PAWR: variants seen among roughly 807,000 people sequenced by gnomAD.
PAWR encodes the protein PRKC apoptosis WT1 regulator protein.
A neutral mutation model predicts 32.0 loss-of-function variants in PAWR; 23 were observed. The ratio of observed to expected loss-of-function variants is 0.72; its 90% confidence interval spans 0.52 to 1.02. The LOEUF is 1.02. Among genes scored for constraint, PAWR ranks in the 50% least tolerant of loss-of-function variants. The pLI is 0.00. For missense variants in PAWR, 457 were observed against 437.7 expected, an observed-to-expected ratio of 1.04 and a Z score of -0.39; for synonymous variants, 226 against 187.1, an observed-to-expected ratio of 1.21 and a Z score of -1.70.
At chr12:79,627,985 C>A (rs1275101535) in intron 2 of PAWR, among the ~76,000 whole-genome samples, 1 of 152,170 alleles carries the variant, frequency 6.6e-6, no homozygotes, top group Admixed American at 6.5e-5. Flanking sequence ...ACTCTCCACC[C>A]CAAATCAACA....
chr12:79,594,427 C>T lies in PAWR; in HGVS notation c.838G>A (p.Val280Ile). The change falls in exon 6 of 7, where the codon GTA (valine) becomes ATA (isoleucine). Residue 280 changes from valine (V) to isoleucine (I), a missense_variant. Val to Ile is a conservative substitution (Grantham distance 29). Coordinates refer to ENST00000328827, the MANE Select transcript of PAWR (RefSeq NM_002583.4). ...KKIEDLEKEV[V>I]RERQENLRLV... is the part of the protein sequence containing the mutation. Reference sequence around the variant, plus strand: ...CTTAGGTTTTCTTGTCTTTCTCTTACTACTTCCTGGTAGATACAATTAAAA... The same window carrying T: ...CTTAGGTTTTCTTGTCTTTCTCTTATTACTTCCTGGTAGATACAATTAAAA... 2.7e-6 allele frequency: 4 copies of T among 1,457,292 alleles called. No individual in the cohort carries two copies. The highest frequency in any genetic ancestry group is 3.8e-6 in the Non-Finnish European group (4 of 1,049,310). 90.3% of individuals were successfully genotyped at this position (1,457,292 alleles called of 1,614,324 possible). A position where few individuals can be genotyped will look rare whatever the true frequency, so the allele number is the denominator to read the frequency against.
chr12:79,647,065 C>A (rs545117628), intron 2 of PAWR, among the ~76,000 whole-genome samples: 2 of 150,944 alleles, frequency 1.3e-5, no homozygotes, highest in Non-Finnish European at 2.9e-5. Flanking sequence ...GTCTCAGCTA[C>A]TTGGGAGGCT....
At chr12:79,614,495 T>C (rs1387073703) in intron 3 of PAWR, among the ~76,000 whole-genome samples, 2 of 152,158 alleles carry the variant, frequency 1.3e-5, no homozygotes, top group Non-Finnish European at 2.9e-5. Context: ...AAAAGGTTGC[T>C]AAAAGTTAAC....
chr12:79,673,409 A>G (rs1878009534), intron 2 of PAWR, among the ~76,000 whole-genome samples: 1 of 152,222 alleles, frequency 6.6e-6, no homozygotes, highest in South Asian at 2.1e-4. Context: ...ACCAATACAA[A>G]GAGAGAAAAG....
At chr12:79,649,464 A>G (rs1022472234) in intron 2 of PAWR, among the ~76,000 whole-genome samples, 2 of 152,122 alleles carry the variant, frequency 1.3e-5, no homozygotes, top group South Asian at 4.1e-4. Flanking sequence ...TTGTCATATT[A>G]AAAAGTTGGA....
chr12:79,628,966 A>G (rs1435088828), intron 2 of PAWR, among the ~76,000 whole-genome samples: 1 of 152,138 alleles, frequency 6.6e-6, no homozygotes, highest in Non-Finnish European at 1.5e-5. Context: ...AAGATGTATA[A>G]TACATATATA....
chr12:79,620,620 G>A (rs898485153), intron 3 of PAWR, among the ~76,000 whole-genome samples: 1 of 152,194 alleles, frequency 6.6e-6, no homozygotes, highest in Non-Finnish European at 1.5e-5. Context: ...CAGGAGGGTG[G>A]CTCAGAAAAG....
intron 6 of PAWR, among the ~76,000 whole-genome samples, chr12:79,593,651 C>T (rs1325371286): frequency 6.7e-6 from 1 of 149,412 alleles, no homozygotes; most frequent in African/African-American, 2.5e-5. Context: ...CAGAGAGAGA[C>T]TCCTTCTCAA....
chr12:79,671,105 A>G (rs1877873532), intron 2 of PAWR, among the ~76,000 whole-genome samples: 1 of 150,794 alleles, frequency 6.6e-6, no homozygotes, highest in Non-Finnish European at 1.5e-5. Flanking sequence ...CCTGGGCAAA[A>G]AGCAAGACCT....
At chr12:79,683,605 CTTT>C (rs78796038) in intron 2 of PAWR, among the ~76,000 whole-genome samples, 7 of 136,860 alleles carry the variant, frequency 5.1e-5, no homozygotes, top group Non-Finnish European at 6.4e-5. Context: ...GTGGAAACTC[CTTT>C]TTTTTTTTTT....
At chr12:79,631,568 A>C (rs1373296544) in intron 2 of PAWR, among the ~76,000 whole-genome samples, 1 of 152,186 alleles carries the variant, frequency 6.6e-6, no homozygotes, top group Non-Finnish European at 1.5e-5. Context: ...AAATACAAAC[A>C]AAATACAAAA....
chr12:79,637,500 T>G lies in PAWR; in HGVS notation c.517-16293A>C, dbSNP rs865821081. 1.4e-4 allele frequency among the ~76,000 whole-genome samples: 21 copies of G among 150,346 alleles called. 1 individual carries two copies. The highest frequency in any genetic ancestry group is 3.5e-3 in the Middle Eastern group (1 of 286). The stretch of plus-strand genomic sequence containing the variant: ...CCATCCCTGGCTCCTAAGCCAAAAG[T>G]TACTGTGAGATGATTAAACAACAAC... On this transcript the variant is annotated intron_variant, in intron 2 of 6. Coordinates refer to ENST00000328827, the MANE Select transcript of PAWR (RefSeq NM_002583.4).
chr12:79,672,545 A>T (rs957586219), intron 2 of PAWR, among the ~76,000 whole-genome samples: 2 of 152,150 alleles, frequency 1.3e-5, no homozygotes, highest in African/African-American at 4.8e-5. Context: ...ACCTTGCTCC[A>T]TATAGAGGCT....
intron 3 of PAWR, among the ~76,000 whole-genome samples, chr12:79,617,115 T>C (rs1047375107): frequency 2.0e-5 from 3 of 152,160 alleles, no homozygotes; most frequent in Admixed American, 6.5e-5. Context: ...CCCAGCACTT[T>C]GGGAGGCCAA....
chr12:79,594,289 A>G, intron 6 of PAWR, 40 bp downstream of exon 6: 1 of 811,434 alleles, frequency 1.2e-6, no homozygotes, highest in Non-Finnish European at 2.0e-6. Flanking sequence ...CAATTGCCAA[A>G]AAAAACCCCT....
At chr12:79,681,128 G>A (rs965511579) in intron 2 of PAWR, among the ~76,000 whole-genome samples, 2 of 136,146 alleles carry the variant, frequency 1.5e-5, no homozygotes, top group Non-Finnish European at 3.2e-5. Context: ...GGAGAAGAAG[G>A]GAGGGGAGGG....
chr12:79,598,044 C>T (rs1873827980), intron 4 of PAWR: 1 of 152,266 alleles, frequency 6.6e-6, no homozygotes, highest in Non-Finnish European at 1.5e-5. Context: ...CTGTTCACCA[C>T]ATGGCAGCTG....
chr12:79,644,613 T>C (rs1057332061), intron 2 of PAWR, among the ~76,000 whole-genome samples: 3 of 152,194 alleles, frequency 2.0e-5, no homozygotes, highest in Non-Finnish European at 2.9e-5. Context: ...ATGATTCTTT[T>C]TTAAAAAAAT....
chr12:79,632,762 C>A (rs1181927735), intron 2 of PAWR, among the ~76,000 whole-genome samples: 2 of 151,818 alleles, frequency 1.3e-5, no homozygotes, highest in African/African-American at 2.4e-5. Flanking sequence ...AAATAGATAT[C>A]CATATATACC....
Sources: allele counts gnomAD v4.1 joint callset (sites outside exome capture counted in the v4.1 genomes callset), GRCh38; gene constraint gnomAD v4.1.1; transcripts MANE v1.5; gene names NCBI Gene and HGNC (gene_info 2026-07-23, HGNC 2026-07-21).